TTF1: variants seen among roughly 807,000 people sequenced by gnomAD.
TTF1 encodes the protein transcription termination factor 1.
TTF1 carries 64 observed loss-of-function variants against 80.2 expected under a neutral mutation model. The ratio of observed to expected loss-of-function variants is 0.80; its 90% CI spans 0.65 to 0.98. TTF1 has a LOEUF of 0.98. Among genes scored for constraint, TTF1 ranks in the 50% least tolerant of loss-of-function variants. The pLI, the probability that TTF1 is intolerant of heterozygous loss-of-function variation, is 0.00. For synonymous variants in TTF1, 372 were observed against 382.7 expected (o/e 0.97, Z 0.33); for missense variants, 1,023 against 1,086.2 (o/e 0.94, Z 0.82).
At chr9:132,378,128 T>G (rs1331042869) in intron 10 of TTF1, among the ~76,000 whole-genome samples, 1 of 89,082 alleles carries the variant, frequency 1.1e-5, no homozygotes, top group African/African-American at 4.5e-5. Context: ...TGCATGCATG[T>G]GGTGTGTGTG....
chr9:132,401,859 T>G lies in TTF1; in HGVS notation c.963A>C (p.Ala321=). Residue 321 remains alanine (A), a synonymous_variant, in exon 2 of 11, where the codon GCA becomes GCC. Transcript: ENST00000334270. ...TTTTATAAGCAGGTGCTGGTATTCC[T>G]GCAGTTTCACCATGCAGGCCCACAG... ...RPAVGLHGET[A]GIPAPAYKNK... 1.2e-6 allele frequency: 2 copies of G among 1,614,050 alleles called. No individual in the cohort carries two copies. Among genetic ancestry groups the G allele is most frequent in the Non-Finnish European group, 1.7e-6 (2 of 1,180,038 alleles).
At position 132,401,569 on chromosome 9, in the gene TTF1, A is replaced by T. The variant is rs1277637444; in HGVS notation, c.1253T>A (p.Leu418His). Residue 418 changes from leucine to histidine, a missense_variant, in exon 2 of 11, where the codon CTC becomes CAC. Leu to His is a moderately conservative substitution (Grantham distance 99). Coordinates refer to ENST00000334270, the MANE Select transcript of TTF1 (RefSeq NM_007344.4). Reference sequence around the variant, plus strand: ...GCCATCACCTTCTACTGAATCAAAGAGTGTGCTCTCAGAGTTCTTACTGGG... The same window carrying T: ...GCCATCACCTTCTACTGAATCAAAGTGTGTGCTCTCAGAGTTCTTACTGGG... ...SVPSKNSEST[L>H]FDSVEGDGAM... 6.2e-7 allele frequency: 1 copy of T among 1,614,142 alleles called. No homozygotes were observed. The highest frequency in any genetic ancestry group is 1.7e-5 in the Admixed American group (1 of 60,014).
chr9:132,376,711 G>A (rs1849184284), intron 10 of TTF1, among the ~76,000 whole-genome samples: 1 of 148,140 alleles, frequency 6.8e-6, no homozygotes, highest in African/African-American at 2.5e-5. Context: ...CACCCCAGCT[G>A]AAGTGCAGTG....
rs1849769660 is a variant in TTF1 at position 132,401,871 on chromosome 9, A to G, written c.951T>C (p.His317=). ...MQESRPAVGL[H]GETAGIPAPA... is the part of the protein sequence containing the mutation. ...GTGCTGGTATTCCTGCAGTTTCACCATGCAGGCCCACAGCAGGCCGGGATT... is the reference window on the plus strand; with the variant it reads ...GTGCTGGTATTCCTGCAGTTTCACCGTGCAGGCCCACAGCAGGCCGGGATT... Residue 317 remains histidine, a synonymous_variant, in exon 2 of 11, where the codon CAT becomes CAC. Coordinates refer to ENST00000334270, the MANE Select transcript of TTF1 (RefSeq NM_007344.4). 6.2e-7 allele frequency: 1 copy of G among 1,613,286 alleles called. No homozygotes were observed. The highest frequency in any genetic ancestry group is 8.5e-7 in the Non-Finnish European group (1 of 1,179,832).
chr9:132,390,122 G>T (rs1382431450), intron 7 of TTF1, among the ~76,000 whole-genome samples: 1 of 152,090 alleles, frequency 6.6e-6, no homozygotes, highest in Admixed American at 6.5e-5. Flanking sequence ...ACTACTGGTG[G>T]CTGTGAGCCA....
intron 10 of TTF1, among the ~76,000 whole-genome samples, chr9:132,378,078 TGTGA>T (rs1849266782): frequency 8.1e-6 from 1 of 123,248 alleles, no homozygotes; most frequent in Non-Finnish European, 1.7e-5. Context: ...ATGTGGTGTG[TGTGA>T]GTGCATGTGG....
At chr9:132,404,212 C>T (rs1318451151) in intron 1 of TTF1, among the ~76,000 whole-genome samples, 1 of 152,188 alleles carries the variant, frequency 6.6e-6, no homozygotes, top group African/African-American at 2.4e-5. Context: ...GCTATTTTCA[C>T]CTAACAACAT....
At position 132,396,553 on chromosome 9, in the gene TTF1, T is replaced by C. The variant is rs1326249545; in HGVS notation, c.1778-42A>G. On this transcript the variant is annotated intron_variant, in intron 4 of 10. Coordinates refer to ENST00000334270, the MANE Select transcript of TTF1 (RefSeq NM_007344.4). ...GGTGATCAGAGGGACTCACATGAAA[T>C]GAAGTCGCAATTGTAAAAGGAACCC... 1.9e-6 allele frequency: 3 copies of C among 1,574,830 alleles called. No individual in the cohort carries two copies. The Admixed American group carries it at 5.0e-5, about 26-fold the overall frequency.
intron 9 of TTF1, among the ~76,000 whole-genome samples, chr9:132,383,675 G>A (rs1292933859): frequency 6.6e-6 from 1 of 152,052 alleles, no homozygotes; most frequent in East Asian, 1.9e-4. Context: ...GTGGCAGGTG[G>A]GCTGGAGGGA....
In TTF1 at chr9:132,386,606, A is replaced by C; in HGVS notation, c.2328T>G (p.Asn776Lys). The change falls in exon 9 of 11, where the codon AAT becomes AAG. Residue 776 changes from asparagine to lysine, a missense_variant. Transcript: ENST00000334270. ...VSLIERLYEI[N>K]VEDTNEIDWE... ...AGTCTATTTCATTAGTATCTTCCAC[A>C]TTTATTTCATACAACCTGTGAGAAA... The C allele has an allele frequency of 6.2e-7, 1 of 1,612,340 alleles. No homozygotes were observed. Among genetic ancestry groups the C allele is most frequent in the Non-Finnish European group, 8.5e-7 (1 of 1,178,498 alleles).
At chr9:132,401,286 A>G (rs1849757089) in intron 2 of TTF1, among the ~76,000 whole-genome samples, 169 bp downstream of exon 2, 1 of 152,262 alleles carries the variant, frequency 6.6e-6, no homozygotes, top group African/African-American at 2.4e-5. Flanking sequence ...AGATTGCACC[A>G]TTGCACTCCA....
chr9:132,400,585 A>C (rs1177475950), intron 2 of TTF1, among the ~76,000 whole-genome samples: 1 of 152,102 alleles, frequency 6.6e-6, no homozygotes, highest in Non-Finnish European at 1.5e-5. Context: ...GGCCTCCCAA[A>C]GTGCTGGGAT....
intron 3 of TTF1, 21 bp from the exon 4 acceptor site, chr9:132,398,347 G>A (rs1294231644): frequency 6.3e-7 from 1 of 1,581,358 alleles, no homozygotes; most frequent in Non-Finnish European, 8.5e-7. Context: ...GAAGGAACAG[G>A]GAGAAAGTGT....
At chr9:132,382,408 AAAT>A (rs1199229021) in intron 9 of TTF1, among the ~76,000 whole-genome samples, 1 of 152,218 alleles carries the variant, frequency 6.6e-6, no homozygotes, top group Non-Finnish European at 1.5e-5. Context: ...TGCCTTAGCT[AAAT>A]AATAAAAAAA....
chr9:132,398,237 C>A lies in TTF1; in HGVS notation c.1681G>T (p.Glu561Ter). 6.2e-7 allele frequency: 1 copy of A among 1,608,396 alleles called. No homozygotes were observed. Among genetic ancestry groups the A allele is most frequent in the East Asian group, 2.2e-5 (1 of 44,696 alleles). ...GTGTACAGCAGCTTGTCTGCACTCT[C>A]AATGCCTGTCAGGGCTAGAAAGTCT... ...VEDFLALTGI[E>*]SADKLLYTDR... The change falls in exon 4 of 11, where the codon GAG becomes TAG. Residue 561 changes from glutamate to a stop codon, truncating the protein, a stop_gained. Coordinates refer to ENST00000334270, the MANE Select transcript of TTF1 (RefSeq NM_007344.4). LOFTEE classifies it high-confidence loss of function.
chr9:132,406,602 TTA>T (rs1491333622), intron 1 of TTF1, among the ~76,000 whole-genome samples, 186 bp downstream of exon 1: 4 of 68,486 alleles, frequency 5.8e-5, no homozygotes, highest in East Asian at 5.0e-4. Context: ...AACTCCATCT[TTA>T]AAAAAAAAAA....
In TTF1 at chr9:132,384,063, T is replaced by C. The variant is rs1046614233; in HGVS notation, c.2378+2493A>G. On this transcript the variant is annotated intron_variant, in intron 9 of 10. Coordinates refer to ENST00000334270, the MANE Select transcript of TTF1 (RefSeq NM_007344.4). The surrounding 1 kb of genome is among the most constrained non-coding windows in gnomAD (Gnocchi z 4.1). ...TGAATGGTACTAAGGCTGCAAAGTA[T>C]GTAAAATTTACCAAAACAGATAACA... Among the ~76,000 whole-genome samples the C allele has an allele frequency of 6.6e-6, 1 of 152,194 alleles. No homozygotes were observed. Among genetic ancestry groups the C allele is most frequent in the African/African-American group, 2.4e-5 (1 of 41,444 alleles).
At chr9:132,390,449 G>A (rs1849539422) in intron 7 of TTF1, 148 bp downstream of exon 7, 3 of 680,624 alleles carry the variant, frequency 4.4e-6, no homozygotes, top group South Asian at 3.7e-5. Flanking sequence ...TTAAATCAGA[G>A]AGTGATATGG....
rs751711568 is a variant in TTF1, at chr9:132,376,199, T to C, written c.2465-31A>G. ...GAAAAGAAATTTAATTGTGCAGTTA[T>C]CTGTCTGTACAAGGCCTCTTATCAA... On this transcript the variant is annotated intron_variant, in intron 10 of 10. Coordinates refer to ENST00000334270, the MANE Select transcript of TTF1 (RefSeq NM_007344.4). The C allele has an allele frequency of 4.9e-5, 79 of 1,598,348 alleles. No homozygotes were observed. In the East Asian group the frequency reaches 1.8e-3, roughly 36 times the overall value.
Sources: gnomAD v4.1 joint callset for allele counts (sites outside exome capture counted in the v4.1 genomes callset) on GRCh38, gnomAD v4.1.1 for gene constraint, Gnocchi (gnomAD v3.1) non-coding constraint, MANE v1.5 for transcripts, NCBI Gene and HGNC (gene_info 2026-07-23, HGNC 2026-07-21) for gene names.